Variants in IMMT observed in about 807,000 individuals in gnomAD.
The protein encoded by IMMT is inner membrane mitochondrial protein, also known as MICOS complex subunit MIC60.
In IMMT, 40 loss-of-function variants were observed where a neutral mutation model predicts 92.7. The ratio of observed to expected loss-of-function variants is 0.43; its 90% CI spans 0.34 to 0.56. The LOEUF is 0.56. Among genes scored for constraint, IMMT ranks in the 20% least tolerant of loss-of-function variants. The probability of loss-of-function intolerance (pLI) is 0.03; values close to 1 mark genes in which losing one functional copy is unlikely to be tolerated. For missense variants in IMMT, 831 were observed against 912.1 expected (o/e 0.91, Z 1.14); for synonymous variants, 322 against 336.1 (o/e 0.96, Z 0.46).
At chr2:86,149,675 C>G (rs1054067739) in intron 12 of IMMT, among the ~76,000 whole-genome samples, 1 of 151,868 alleles carries the variant, frequency 6.6e-6, no homozygotes, top group Non-Finnish European at 1.5e-5. Context: ...GTCAGGAGTT[C>G]GAGACCAGCC....
rs1324073338 is a variant in IMMT, at chr2:86,158,660, G to A, written c.1094C>T (p.Ala365Val). 7 of 1,604,440 alleles carry A rather than the reference G, an allele frequency of 4.4e-6. No individual in the cohort carries two copies. Among genetic ancestry groups the A allele is most frequent in the African/African-American group, 1.3e-5 (1 of 74,820 alleles). The change falls in exon 10 of 15, where the codon GCT (alanine) becomes GTT (valine). Residue 365 changes from alanine to valine, a missense_variant. Transcript: ENST00000410111. ...CAGCTCTCGTTTAAAGTCATCCCGA[G>A]CTTGGACCACCAGCTCATGATACTG... ...VSQYHELVVQ[A>V]RDDFKRELDS... is the part of the protein sequence containing the mutation.
At chr2:86,158,523 A>C in intron 10 of IMMT, 69 bp downstream of exon 10, 1 of 1,339,942 alleles carries the variant, frequency 7.5e-7, no homozygotes, top group African/African-American at 1.4e-5. Context: ...AATGGAGATG[A>C]AGCAAGTTTA....
At chr2:86,171,868 T>TTTTG (rs10686550) in intron 4 of IMMT, among the ~76,000 whole-genome samples, 7 of 151,448 alleles carry the variant, frequency 4.6e-5, no homozygotes, top group Non-Finnish European at 1.0e-4. Context: ...ATATATTTTT[T>TTTTG]GCACACTTTG....
At chr2:86,171,862 A>ATATATT (rs111461385) in intron 4 of IMMT, among the ~76,000 whole-genome samples, 9 of 149,864 alleles carry the variant, frequency 6.0e-5, no homozygotes, top group African/African-American at 2.0e-4. Flanking sequence ...ATATATATAT[A>ATATATT]TTTTTTGCAC....
intron 14 of IMMT, 58 bp from the exon 15 acceptor site, chr2:86,144,939 C>T: frequency 6.6e-7 from 1 of 1,525,302 alleles, no homozygotes; most frequent in Non-Finnish European, 8.8e-7. Flanking sequence ...AACATACATC[C>T]ACAGAACTGA....
Position 86,162,091 on chromosome 2 carries a change from A to T in IMMT, c.793-12T>A, listed in dbSNP as rs529098982. 2.7e-6 allele frequency: 4 copies of T among 1,501,464 alleles called. No homozygotes were observed. The highest frequency in any genetic ancestry group is 3.6e-6 in the Non-Finnish European group (4 of 1,112,280). The allele number at this position is 1,501,464 out of a possible 1,614,324, so 93.0% of individuals were successfully genotyped here. On this transcript the variant is annotated splice_polypyrimidine_tract_variant and intron_variant, in intron 7 of 14. Transcript: ENST00000410111. ...TTCTCGCCTGCAATCTAAACAAAAAATTTTAATTATATAATAAATAACTGC... is the reference window on the plus strand; with the variant it reads ...TTCTCGCCTGCAATCTAAACAAAAATTTTTAATTATATAATAAATAACTGC...
intron 12 of IMMT, among the ~76,000 whole-genome samples, chr2:86,150,059 G>GGGCT (rs1254472100): frequency 6.6e-6 from 1 of 152,128 alleles, no homozygotes; most frequent in African/African-American, 2.4e-5. Context: ...AGCATGATTT[G>GGGCT]GGCTGGAATA....
At chr2:86,191,674 T>TG (rs1025637942) in intron 1 of IMMT, among the ~76,000 whole-genome samples, 6 of 130,426 alleles carry the variant, frequency 4.6e-5, no homozygotes, top group Non-Finnish European at 6.4e-5. Context: ...GAGGCCAAGG[T>TG]GGGGGGATCA....
intron 3 of IMMT, among the ~76,000 whole-genome samples, chr2:86,179,125 TTTTC>T (rs1401067185): frequency 2.0e-5 from 3 of 152,162 alleles, no homozygotes; most frequent in African/African-American, 7.2e-5. Flanking sequence ...ATGGACAGAC[TTTTC>T]TTTCTTGTCA....
chr2:86,153,945 C>T (rs1675667047), intron 10 of IMMT, among the ~76,000 whole-genome samples: 1 of 152,176 alleles, frequency 6.6e-6, no homozygotes, highest in Non-Finnish European at 1.5e-5. Flanking sequence ...TCACCACAAC[C>T]TCCACCTGCT....
intron 1 of IMMT, chr2:86,195,135 C>G: frequency 2.0e-6 from 1 of 511,566 alleles, no homozygotes. Context: ...ACACCCCACC[C>G]CGCTGCTGCA....
At chr2:86,152,440 CAA>C (rs772186185) in intron 11 of IMMT, among the ~76,000 whole-genome samples, 20 of 76,834 alleles carry the variant, frequency 2.6e-4, no homozygotes, top group African/African-American at 3.8e-4. Flanking sequence ...GACTCCATCT[CAA>C]AAAAAAAAAA....
chr2:86,144,737 C>T lies in IMMT; in HGVS notation c.1808G>A (p.Cys603Tyr). Residue 603 changes from cysteine to tyrosine, a missense_variant, in exon 15 of 15, where the codon TGT (cysteine) becomes TAT (tyrosine). Cys to Tyr is a radical substitution (Grantham distance 194, BLOSUM62 -2). Coordinates refer to ENST00000410111, the MANE Select transcript of IMMT (RefSeq NM_006839.3). The stretch of plus-strand genomic sequence containing the variant: ...AGCTTGGGTGAATTCATTATCAGAA[C>T]AGTTGGCTTTGATGGCCTCAACTGC... ...GSAVEAIKANCSDNEFTQALT... is the reference protein window; with the variant it reads ...GSAVEAIKANYSDNEFTQALT... 6.2e-7 allele frequency: 1 copy of T among 1,613,918 alleles called. No homozygotes were observed.
rs574587747 is a variant in IMMT at position 86,152,270 on chromosome 2, G to A, written c.1178-750C>T. Among the ~76,000 whole-genome samples, 155 of 151,868 alleles carry A rather than the reference G, an allele frequency of 1.0e-3. 1 individual carries two copies. Among genetic ancestry groups the A allele is most frequent in the South Asian group, 1.2e-3 (6 of 4,804 alleles). ...AGCTTGGCCAACCTGGTGAAACTCC[G>A]TCTCTACTAAAAATGCAAAAATTAG... On this transcript the variant is annotated intron_variant, in intron 11 of 14. Transcript: ENST00000410111.
Position 86,144,518 on chromosome 2 carries a change from G to A in IMMT, c.2027C>T (p.Pro676Leu), listed in dbSNP as rs777584652. 90 of 1,613,860 alleles carry A rather than the reference G, an allele frequency of 5.6e-5. No individual in the cohort carries two copies. Among genetic ancestry groups the A allele is most frequent in the Admixed American group, 5.0e-5 (3 of 60,006 alleles). The change falls in exon 15 of 15, where the codon CCG (proline) becomes CTG (leucine). Residue 676 changes from proline (P) to leucine (L), a missense_variant. Coordinates refer to ENST00000410111, the MANE Select transcript of IMMT (RefSeq NM_006839.3). ...LLLFPPQQLK[P>L]PPELCPEDIN... ...ATCCTCAGGGCAGAGCTCTGGGGGCGGCTTCAGTTGCTGAGGTGGGAATAG... is the reference window on the plus strand; with the variant it reads ...ATCCTCAGGGCAGAGCTCTGGGGGCAGCTTCAGTTGCTGAGGTGGGAATAG...
At chr2:86,150,673 A>C (rs1675401477) in intron 12 of IMMT, among the ~76,000 whole-genome samples, 1 of 152,222 alleles carries the variant, frequency 6.6e-6, no homozygotes, top group African/African-American at 2.4e-5. Flanking sequence ...CTCAGACTCC[A>C]ACAAAGATTC....
chr2:86,178,348 C>T (rs1677586830), intron 3 of IMMT, among the ~76,000 whole-genome samples: 2 of 149,068 alleles, frequency 1.3e-5, no homozygotes, highest in Admixed American at 6.7e-5. Flanking sequence ...AAAAAACTGG[C>T]CAGGCATGGT....
intron 3 of IMMT, among the ~76,000 whole-genome samples, chr2:86,174,544 A>G (rs1323976552): frequency 6.6e-6 from 1 of 152,206 alleles, no homozygotes; most frequent in Non-Finnish European, 1.5e-5. Context: ...TAATGCCAAG[A>G]TATATCAGTG....
At chr2:86,147,951 T>G (rs1675151962) in intron 12 of IMMT, 118 bp from the exon 13 acceptor site, 1 of 906,540 alleles carries the variant, frequency 1.1e-6, no homozygotes, top group Non-Finnish European at 1.7e-6. Context: ...ACGCCTCTAA[T>G]GTGCCAGGCA....
Sources: allele counts gnomAD v4.1 joint callset (sites outside exome capture counted in the v4.1 genomes callset), GRCh38; gene constraint gnomAD v4.1.1; transcripts MANE v1.5; gene names NCBI Gene and HGNC (gene_info 2026-07-23, HGNC 2026-07-21).